The following TENM2 variants were observed in gnomAD, a reference collection of about 807,000 sequenced individuals.
The protein encoded by TENM2 is teneurin transmembrane protein 2.
Under a neutral mutation model 245.2 loss-of-function variants are expected in TENM2, and 52 were observed. That is an observed-to-expected ratio of 0.21 (90% CI 0.17 to 0.27). TENM2 has a LOEUF of 0.27. TENM2 is among the 10% of genes least tolerant of loss of function. TENM2 has a pLI of 1.00. For synonymous variants in TENM2, 1,363 were observed against 1,438.9 expected, an observed-to-expected ratio of 0.95 and a Z score of 1.19; for missense variants, 3,046 against 3,666.8, an observed-to-expected ratio of 0.83 and a Z score of 4.37.
At chr5:167,094,574 T>G in the TENM2 span, among the ~76,000 whole-genome samples, 1 of 152,234 alleles carries the variant, frequency 6.6e-6, no homozygotes, top group Non-Finnish European at 1.5e-5. Flanking sequence ...CTATCACTAA[T>G]TTTTTCAATA....
At chr5:167,430,742 T>C (rs1404793141) in intron 2 of TENM2, among the ~76,000 whole-genome samples, 1 of 152,192 alleles carries the variant, frequency 6.6e-6, no homozygotes, top group Non-Finnish European at 1.5e-5. Context: ...ATTAATAACA[T>C]ATCCGTTAAA....
chr5:167,467,376 A>C (rs1013429940), intron 2 of TENM2, among the ~76,000 whole-genome samples: 2 of 151,298 alleles, frequency 1.3e-5, no homozygotes, highest in Non-Finnish European at 2.9e-5. Flanking sequence ...AGTCCATTAA[A>C]CCTCCTTTGC....
the TENM2 span, among the ~76,000 whole-genome samples, chr5:167,277,673 C>T: frequency 6.6e-6 from 1 of 152,066 alleles, no homozygotes; most frequent in African/African-American, 2.4e-5. Flanking sequence ...CTGATTTTTC[C>T]ACTTAAATAT....
chr5:167,199,170 G>A, the TENM2 span, among the ~76,000 whole-genome samples: 1 of 150,290 alleles, frequency 6.7e-6, no homozygotes, highest in Non-Finnish European at 1.5e-5. Flanking sequence ...AACAAAAGAG[G>A]AAAACTAAAA....
chr5:167,402,007 T>C (rs1216512276), intron 2 of TENM2, among the ~76,000 whole-genome samples: 1 of 152,140 alleles, frequency 6.6e-6, no homozygotes, highest in African/African-American at 2.4e-5. Context: ...TATTTAATCA[T>C]CATATAGTGC....
At chr5:167,192,750 G>T in the TENM2 span, among the ~76,000 whole-genome samples, 2 of 151,966 alleles carry the variant, frequency 1.3e-5, no homozygotes, top group African/African-American at 4.8e-5. Context: ...AAATCTCACG[G>T]TACTAACCCT....
chr5:167,769,683 T>C (rs187422920), intron 2 of TENM2, among the ~76,000 whole-genome samples: 1 of 152,278 alleles, frequency 6.6e-6, no homozygotes. Flanking sequence ...TGATTTTTTT[T>C]CTATACTATG....
At chr5:167,644,524 A>G (rs902653254) in intron 2 of TENM2, among the ~76,000 whole-genome samples, 1 of 152,154 alleles carries the variant, frequency 6.6e-6, no homozygotes, top group South Asian at 2.1e-4. Context: ...GGTGACATGC[A>G]CTCAGTAAAT....
intron 2 of TENM2, chr5:167,755,150 T>C: frequency 6.3e-7 from 1 of 1,599,098 alleles, no homozygotes; most frequent in South Asian, 1.1e-5. Context: ...CTCACCTCAG[T>C]CTGTGAGTTT....
At chr5:168,021,660 G>A (rs542626314) in intron 5 of TENM2, among the ~76,000 whole-genome samples, 66 of 152,212 alleles carry the variant, frequency 4.3e-4, no homozygotes, top group African/African-American at 1.4e-3. Flanking sequence ...CTGTTACAGT[G>A]CACACTCAAG....
At chr5:167,875,277 G>GTTGGGGC (rs1209688266) in intron 2 of TENM2, among the ~76,000 whole-genome samples, 43 of 152,258 alleles carry the variant, frequency 2.8e-4, no homozygotes, top group African/African-American at 9.1e-4. Context: ...GGGGTTGGGG[G>GTTGGGGC]TGGTGTCCTG....
rs147445451 is a variant in TENM2 at position 168,149,941 on chromosome 5, T to C, written c.2423-12670T>C. Among the ~76,000 whole-genome samples, 516 of 152,272 alleles carry C rather than the reference T, an allele frequency of 3.4e-3. 3 individuals carry two copies. The highest frequency in any genetic ancestry group is 0.012 in the African/African-American group (502 of 41,556). On this transcript the variant is annotated intron_variant, in intron 12 of 28. Transcript: ENST00000518659. The stretch of plus-strand genomic sequence containing the variant: ...ATCTCCCAAATATTGGTATGATTTG[T>C]TTCCTCCCCTCCTTTAGGTTTTTTG...
At chr5:167,459,959 TCAAACG>T (rs1439239513) in intron 2 of TENM2, among the ~76,000 whole-genome samples, 3 of 149,050 alleles carry the variant, frequency 2.0e-5, no homozygotes, top group African/African-American at 7.4e-5. Flanking sequence ...CAACACACAC[TCAAACG>T]CATATATATA....
intron 1 of TENM2, among the ~76,000 whole-genome samples, chr5:167,287,033 G>C (rs761709441): frequency 6.6e-6 from 1 of 152,170 alleles, no homozygotes; most frequent in Non-Finnish European, 1.5e-5. Flanking sequence ...ATTAAAAACT[G>C]TGCAGGCCAA....
the TENM2 span, among the ~76,000 whole-genome samples, chr5:167,269,325 ATG>A: frequency 6.6e-6 from 1 of 152,052 alleles, no homozygotes. Context: ...GCGCTCTTTA[ATG>A]CTGGGTTCTG....
At chr5:167,231,766 A>C in the TENM2 span, among the ~76,000 whole-genome samples, 5 of 152,236 alleles carry the variant, frequency 3.3e-5, no homozygotes, top group Non-Finnish European at 5.9e-5. Context: ...AATTTGCATA[A>C]GTAATGAGAA....
In TENM2 at chr5:168,186,022, T is replaced by G. The variant is rs1033204058; in HGVS notation, c.2570-4315T>G. 6 of 144,992 alleles carry G rather than the reference T, an allele frequency of 4.1e-5. No individual in the cohort carries two copies. In the East Asian group the frequency reaches 1.2e-3, roughly 29 times the overall value. The allele number at this position is 144,992 out of a possible 1,614,324, so 9.0% of individuals were successfully genotyped here. ...TTTATATATATATATATAAATTTATTTATTCTTCATCACATAACCCTATGG... is the reference window on the plus strand; with the variant it reads ...TTTATATATATATATATAAATTTATGTATTCTTCATCACATAACCCTATGG... On this transcript the variant is annotated intron_variant, in intron 13 of 28. Coordinates refer to ENST00000518659, the Ensembl canonical transcript of TENM2.
In TENM2 at chr5:167,445,363, AGAGAGAGT is replaced by A. The variant is rs1186770846; in HGVS notation, c.502+69892_502+69899del. On this transcript the variant is annotated intron_variant, in intron 2 of 28. Coordinates refer to ENST00000518659, the Ensembl canonical transcript of TENM2. ...GAGAGAGAGAGAGAGAGAGAGAGAG[AGAGAGAGT>A]GTCAGGTGTTGTCTTGTTGTTGGGC... Among the ~76,000 whole-genome samples the A allele has an allele frequency of 3.1e-4, 44 of 139,742 alleles. No individual in the cohort carries two copies. The Middle Eastern group carries it at 0.011, about 36-fold the overall frequency. 91.7% of individuals were successfully genotyped at this position (139,742 alleles called of 152,430 possible). A position where few individuals can be genotyped will look rare whatever the true frequency, so the allele number is the denominator to read the frequency against.
chr5:167,823,823 C>T (rs1256777553), intron 2 of TENM2, among the ~76,000 whole-genome samples: 1 of 152,078 alleles, frequency 6.6e-6, no homozygotes, highest in African/African-American at 2.4e-5. Flanking sequence ...TTTTCTAATT[C>T]TCCTGTATGT....
Sources: gnomAD v4.1 joint callset for allele counts (sites outside exome capture counted in the v4.1 genomes callset) on GRCh38, gnomAD v4.1.1 for gene constraint, MANE v1.5 for transcripts, NCBI Gene and HGNC (gene_info 2026-07-23, HGNC 2026-07-21) for gene names.